The following DLX4 variants were observed in gnomAD, a reference collection of about 807,000 sequenced individuals.
DLX4 encodes the protein homeobox protein DLX-4.
DLX4 carries 13 observed loss-of-function variants against 17.1 expected under a neutral mutation model. That is an observed-to-expected ratio of 0.76 (90% CI 0.49 to 1.21). The LOEUF (loss-of-function observed/expected upper bound fraction) is 1.21. DLX4 is among the 50% of genes most tolerant of loss of function. The pLI is 0.00. For synonymous variants in DLX4, 129 were observed against 140.3 expected (o/e 0.92, Z 0.57); for missense variants, 297 against 301.4 (o/e 0.99, Z 0.11).
intron 1 of DLX4, 40 bp from the exon 2 acceptor site, chr17:49,973,033 T>TCCCTCCTCGCC: frequency 6.2e-7 from 1 of 1,604,410 alleles, no homozygotes; most frequent in Non-Finnish European, 8.5e-7. Flanking sequence ...ACCCCCTCGC[T>TCCCTCCTCGCC]CCCTCCTCGC....
chr17:49,970,919 G>A (rs1325012915), intron 1 of DLX4, among the ~76,000 whole-genome samples: 4 of 152,160 alleles, frequency 2.6e-5, no homozygotes, highest in Non-Finnish European at 5.9e-5. Flanking sequence ...CAGGAGCATC[G>A]ATTTTAGGGA....
intron 2 of DLX4, 159 bp from the exon 3 acceptor site, chr17:49,973,542 G>A (rs1250442435): frequency 1.9e-6 from 2 of 1,060,978 alleles, no homozygotes; most frequent in Non-Finnish European, 2.7e-6. Flanking sequence ...GAACTCAGAA[G>A]GCTCCTGGGG....
Position 49,969,606 on chromosome 17 carries a change from C to G in DLX4, c.138C>G (p.Ser46=). 6.2e-7 allele frequency: 1 copy of G among 1,613,540 alleles called. No individual in the cohort carries two copies. Among genetic ancestry groups the G allele is most frequent in the Non-Finnish European group, 8.5e-7 (1 of 1,179,972 alleles). Residue 46 remains serine, a synonymous_variant, in exon 1 of 3, where the codon TCC becomes TCG. Coordinates refer to ENST00000240306, the MANE Select transcript of DLX4 (RefSeq NM_138281.3). ...CAACCGCAGCCTCCCCCAATTTGTC[C>G]TACTCCAGGCCGTATGGCCACCTCC... ...SPTTAASPNL[S]YSRPYGHLLS... is the part of the protein sequence containing the mutation.
At position 49,969,546 on chromosome 17, in the gene DLX4, G is replaced by A. The variant is rs1281180945; in HGVS notation, c.78G>A (p.Ser26=). ...AVFPDLAPVP[S]VAAAYPLGLS... Reference sequence around the variant, plus strand: ...TCCCAGACCTCGCCCCTGTCCCGTCGGTAGCGGCTGCCTACCCGCTTGGCT... The same window carrying A: ...TCCCAGACCTCGCCCCTGTCCCGTCAGTAGCGGCTGCCTACCCGCTTGGCT... Residue 26 remains serine, a synonymous_variant, in exon 1 of 3, where the codon TCG becomes TCA. Coordinates refer to ENST00000240306, the MANE Select transcript of DLX4 (RefSeq NM_138281.3). The A allele has an allele frequency of 1.2e-6, 2 of 1,613,026 alleles. No homozygotes were observed. The highest frequency in any genetic ancestry group is 1.7e-6 in the Non-Finnish European group (2 of 1,179,934).
rs893266128 is a variant in DLX4, at chr17:49,972,777, G to A, written c.284-296G>A. The A allele has an allele frequency of 3.6e-6, 5 of 1,382,336 alleles. No homozygotes were observed. The highest frequency in any genetic ancestry group is 3.4e-5 in the Admixed American group (1 of 29,434). 85.6% of individuals were successfully genotyped at this position (1,382,336 alleles called of 1,614,324 possible). On this transcript the variant is annotated intron_variant, in intron 1 of 2. Transcript: ENST00000240306. This position sits in a 1 kb window ranked among gnomAD's most constrained non-coding sequence, Gnocchi z 5.4. ...ACTCCGACCTCCCACCGCAGGCGCCGCGGTACCCTGGCTGTGGCCCTCGGC... is the reference window on the plus strand; with the variant it reads ...ACTCCGACCTCCCACCGCAGGCGCCACGGTACCCTGGCTGTGGCCCTCGGC...
chr17:49,972,673 TC>T lies in DLX4; in HGVS notation c.284-399del. ...TGCCTGCAATGTCCTTCCTCTGTCA[TC>T]TCTAGGCCTCGGCTCAGCCCTGGAC... On this transcript the variant is annotated intron_variant, in intron 1 of 2. Coordinates refer to ENST00000240306, the MANE Select transcript of DLX4 (RefSeq NM_138281.3). The surrounding 1 kb of genome is among the most constrained non-coding windows in gnomAD (Gnocchi z 5.4). The T allele has an allele frequency of 5.3e-6, 6 of 1,129,920 alleles. No homozygotes were observed. The highest frequency in any genetic ancestry group is 6.7e-6 in the Non-Finnish European group (6 of 901,698). 70.0% of individuals were successfully genotyped at this position (1,129,920 alleles called of 1,614,324 possible). A position where few individuals can be genotyped will look rare whatever the true frequency, so the allele number is the denominator to read the frequency against.
chr17:49,969,649 G>A lies in DLX4; in HGVS notation c.181G>A (p.Glu61Lys), dbSNP rs752378918. 9 of 1,611,034 alleles carry A rather than the reference G, an allele frequency of 5.6e-6. No homozygotes were observed. The South Asian group carries it at 6.6e-5, about 12-fold the overall frequency. Reference protein sequence around the residue: ...YGHLLSYPYTEPANPGDSYLS... With the variant: ...YGHLLSYPYTKPANPGDSYLS... ...CCACCTCCTGTCTTACCCCTACACC[G>A]AGCCAGCGAACCCCGGAGACTCCTA... is the stretch of plus-strand genomic sequence containing the variant. Residue 61 changes from glutamate to lysine, a missense_variant, in exon 1 of 3, where the codon GAG becomes AAG. By Grantham distance (56) the Glu-to-Lys change is moderately conservative (BLOSUM62 1). Transcript: ENST00000240306.
rs1456632668 is a variant in DLX4, at chr17:49,969,249, G to A, written c.-220G>A. Reference sequence around the variant, plus strand: ...GGGGGCCCCCATGGATTTAGGGGGGGAGGGGAAAGTCATGGGGGGCACCCC... The same window carrying A: ...GGGGGCCCCCATGGATTTAGGGGGGAAGGGGAAAGTCATGGGGGGCACCCC... On this transcript the variant is annotated 5_prime_UTR_variant, in exon 1 of 3. Coordinates refer to ENST00000240306, the MANE Select transcript of DLX4 (RefSeq NM_138281.3). 2 of 416,602 alleles carry A rather than the reference G, an allele frequency of 4.8e-6. No individual in the cohort carries two copies. Among genetic ancestry groups the A allele is most frequent in the Non-Finnish European group, 7.7e-6 (2 of 258,634 alleles). The allele number at this position is 416,602 out of a possible 1,614,324, so 25.8% of individuals were successfully genotyped here. A position where few individuals can be genotyped will look rare whatever the true frequency, so the allele number is the denominator to read the frequency against.
At chr17:49,971,364 C>A (rs1174517316) in intron 1 of DLX4, among the ~76,000 whole-genome samples, 3 of 152,104 alleles carry the variant, frequency 2.0e-5, no homozygotes, top group African/African-American at 7.2e-5. Context: ...AGCTTGGGGT[C>A]CTCCTTTTAC....
Position 49,969,407 on chromosome 17 carries a change from A to C in DLX4, c.-62A>C. 1 of 1,465,306 alleles carries C rather than the reference A, an allele frequency of 6.8e-7. No homozygotes were observed. Among genetic ancestry groups the C allele is most frequent in the Non-Finnish European group, 9.0e-7 (1 of 1,113,526 alleles). 90.8% of individuals were successfully genotyped at this position (1,465,306 alleles called of 1,614,324 possible). ...CCAACGCCGGAGGCTTGGAAAAGAG[A>C]GTTGGCAGCGGGAGCGGACTACGTG... On this transcript the variant is annotated 5_prime_UTR_variant, in exon 1 of 3. Coordinates refer to ENST00000240306, the MANE Select transcript of DLX4 (RefSeq NM_138281.3).
In DLX4 at chr17:49,974,934, G is replaced by A. The variant is rs1905671611; in HGVS notation, c.*991G>A. The A allele has an allele frequency of 6.6e-6, 1 of 152,342 alleles. No individual in the cohort carries two copies. Among genetic ancestry groups the A allele is most frequent in the South Asian group, 2.1e-4 (1 of 4,828 alleles). 9.4% of individuals were successfully genotyped at this position (152,342 alleles called of 1,614,324 possible). On this transcript the variant is annotated 3_prime_UTR_variant, in exon 3 of 3. Coordinates refer to ENST00000240306, the MANE Select transcript of DLX4 (RefSeq NM_138281.3). ...GAGCTTCACACCACCAGCTTCCAGA[G>A]ATTAAAGTTTGTACAAAACATTGCA... is the stretch of plus-strand genomic sequence containing the variant.
chr17:49,968,896 C>T (rs78067003), upstream of DLX4: 1,998 of 152,484 alleles, frequency 0.013, 48 homozygotes, highest in African/African-American at 0.044. Flanking sequence ...CTCCGCAGCC[C>T]CCGGGCCTCT....
Position 49,969,763 on chromosome 17 carries a change from C to T in DLX4, c.283+12C>T, listed in dbSNP as rs758534512. ...GGAACTCGAGGCAGGTAAGTTCGGC[C>T]GTGGAGGCTCTTCCCACCTCTGGGG... On this transcript the variant is annotated intron_variant, in intron 1 of 2. Coordinates refer to ENST00000240306, the MANE Select transcript of DLX4 (RefSeq NM_138281.3). The T allele has an allele frequency of 2.5e-6, 4 of 1,576,004 alleles. No individual in the cohort carries two copies. The highest frequency in any genetic ancestry group is 1.7e-5 in the Admixed American group (1 of 57,854).
At position 49,969,539 on chromosome 17, in the gene DLX4, T is replaced by G. The variant is rs1338973755; in HGVS notation, c.71T>G (p.Val24Gly). Reference sequence around the variant, plus strand: ...GCTGTCTTCCCAGACCTCGCCCCTGTCCCGTCGGTAGCGGCTGCCTACCCG... The same window carrying G: ...GCTGTCTTCCCAGACCTCGCCCCTGGCCCGTCGGTAGCGGCTGCCTACCCG... ...SKAVFPDLAPVPSVAAAYPLG... is the reference protein window; with the variant it reads ...SKAVFPDLAPGPSVAAAYPLG... Residue 24 changes from valine to glycine, a missense_variant, in exon 1 of 3, where the codon GTC (valine) becomes GGC (glycine). Coordinates refer to ENST00000240306, the MANE Select transcript of DLX4 (RefSeq NM_138281.3). 6.2e-7 allele frequency: 1 copy of G among 1,613,092 alleles called. No individual in the cohort carries two copies. Among genetic ancestry groups the G allele is most frequent in the Non-Finnish European group, 8.5e-7 (1 of 1,179,944 alleles).
At chr17:49,970,091 G>T (rs1905452858) in intron 1 of DLX4, among the ~76,000 whole-genome samples, 1 of 152,180 alleles carries the variant, frequency 6.6e-6, no homozygotes, top group South Asian at 2.1e-4. Flanking sequence ...GGGGATGGGG[G>T]CCTAGCCCCT....
At chr17:49,970,574 C>T (rs564420110) in intron 1 of DLX4, among the ~76,000 whole-genome samples, 15 of 152,324 alleles carry the variant, frequency 9.8e-5, no homozygotes, top group East Asian at 5.8e-4. Flanking sequence ...GAACCTGGCC[C>T]GTCTTTGGGA....
intron 1 of DLX4, among the ~76,000 whole-genome samples, chr17:49,970,466 C>T (rs1202297505): frequency 6.6e-6 from 1 of 152,234 alleles, no homozygotes; most frequent in Non-Finnish European, 1.5e-5. Context: ...GTCATCTCCA[C>T]TCTTTGGCTT....
rs1905533960 is a variant in DLX4 at position 49,972,294 on chromosome 17, C to T, written c.284-779C>T. ...ATCCAGGAGTGGCCCCGCCGGGCTACGCTGCGCGCTCTTGGAACCCGGGTC... is the reference window on the plus strand; with the variant it reads ...ATCCAGGAGTGGCCCCGCCGGGCTATGCTGCGCGCTCTTGGAACCCGGGTC... On this transcript the variant is annotated intron_variant, in intron 1 of 2. Transcript: ENST00000240306. This position sits in a 1 kb window ranked among gnomAD's most constrained non-coding sequence, Gnocchi z 5.4. 2 of 152,484 alleles carry T rather than the reference C, an allele frequency of 1.3e-5. No homozygotes were observed. The highest frequency in any genetic ancestry group is 1.9e-4 in the East Asian group (1 of 5,170). 9.4% of individuals were successfully genotyped at this position (152,484 alleles called of 1,614,324 possible). A position where few individuals can be genotyped will look rare whatever the true frequency, so the allele number is the denominator to read the frequency against.
chr17:49,973,814 C>T lies in DLX4; in HGVS notation c.594C>T (p.Ser198=), dbSNP rs868507739. ...PGRTFSVSPC[S]PPLPSLWDLP... ...GGACCTTCTCTGTGTCTCCCTGCTCCCCACCCCTCCCCTCCCTCTGGGATC... is the reference window on the plus strand; with the variant it reads ...GGACCTTCTCTGTGTCTCCCTGCTCTCCACCCCTCCCCTCCCTCTGGGATC... Residue 198 remains serine, a synonymous_variant, in exon 3 of 3, where the codon TCC becomes TCT. Transcript: ENST00000240306. 6.2e-7 allele frequency: 1 copy of T among 1,606,358 alleles called. No individual in the cohort carries two copies. Among genetic ancestry groups the T allele is most frequent in the Non-Finnish European group, 8.5e-7 (1 of 1,176,040 alleles).
Sources: gnomAD v4.1 joint callset for allele counts (sites outside exome capture counted in the v4.1 genomes callset) on GRCh38, gnomAD v4.1.1 for gene constraint, Gnocchi (gnomAD v3.1) non-coding constraint, MANE v1.5 for transcripts, NCBI Gene and HGNC (gene_info 2026-07-23, HGNC 2026-07-21) for gene names.